CAMKMT: variants seen among roughly 807,000 people sequenced by gnomAD.
CAMKMT encodes the protein CaM KMT.
CAMKMT carries 53 observed loss-of-function variants against 48.0 expected under a neutral mutation model. That is an observed-to-expected ratio of 1.10 (90% CI 0.89 to 1.39). CAMKMT has a LOEUF of 1.39. CAMKMT is among the 40% of genes most tolerant of loss of function. The probability of loss-of-function intolerance (pLI) is 0.00; values close to 1 mark genes in which losing one functional copy is unlikely to be tolerated. For synonymous variants in CAMKMT, 165 were observed against 152.3 expected (o/e 1.08, Z -0.61); for missense variants, 428 against 402.7 (o/e 1.06, Z -0.54).
At chr2:44,454,693 A>G (rs926943598) in intron 3 of CAMKMT, among the ~76,000 whole-genome samples, 1 of 152,118 alleles carries the variant, frequency 6.6e-6, no homozygotes, top group Non-Finnish European at 1.5e-5. Flanking sequence ...CTTGGACGGC[A>G]TAATGGCCCC....
chr2:44,539,283 CAAAA>C (rs35929999), intron 3 of CAMKMT, among the ~76,000 whole-genome samples: 1 of 117,220 alleles, frequency 8.5e-6, no homozygotes, highest in Non-Finnish European at 1.7e-5. Flanking sequence ...CCAGAAGTCT[CAAAA>C]AAAAAAAAAA....
At chr2:44,475,824 C>A (rs1216726292) in intron 3 of CAMKMT, among the ~76,000 whole-genome samples, 1 of 152,102 alleles carries the variant, frequency 6.6e-6, no homozygotes, top group Non-Finnish European at 1.5e-5. Flanking sequence ...GAACAGGACC[C>A]TTCAAATCAA....
At chr2:44,739,654 G>A (rs1447169757) in intron 7 of CAMKMT, among the ~76,000 whole-genome samples, 1 of 152,180 alleles carries the variant, frequency 6.6e-6, no homozygotes, top group Admixed American at 6.5e-5. Flanking sequence ...ATTTAGCAAT[G>A]TGGAGATCTT....
At chr2:44,704,514 A>G (rs994964178) in intron 4 of CAMKMT, among the ~76,000 whole-genome samples, 171 bp downstream of exon 4, 1 of 152,166 alleles carries the variant, frequency 6.6e-6, no homozygotes, top group Non-Finnish European at 1.5e-5. Flanking sequence ...CAGTGAACAC[A>G]TGTTGCTTCT....
intron 3 of CAMKMT, among the ~76,000 whole-genome samples, chr2:44,696,677 C>A (rs1471612219): frequency 6.6e-6 from 1 of 151,958 alleles, no homozygotes; most frequent in South Asian, 2.1e-4. Flanking sequence ...ACACCCTCAC[C>A]CCACTCACCT....
chr2:44,660,049 C>T (rs183772875), intron 3 of CAMKMT, among the ~76,000 whole-genome samples: 2 of 152,242 alleles, frequency 1.3e-5, no homozygotes, highest in East Asian at 1.9e-4. Context: ...TATTTACAAA[C>T]TCATTCAAAA....
intron 3 of CAMKMT, among the ~76,000 whole-genome samples, chr2:44,518,994 G>A (rs542584898): frequency 7.0e-4 from 107 of 152,282 alleles, no homozygotes; most frequent in Non-Finnish European, 1.2e-3. Flanking sequence ...TTTTATAATG[G>A]TGTCTAAAAA....
At chr2:44,678,448 T>A (rs1675840373) in intron 3 of CAMKMT, among the ~76,000 whole-genome samples, 1 of 152,202 alleles carries the variant, frequency 6.6e-6, no homozygotes, top group Non-Finnish European at 1.5e-5. Flanking sequence ...CCACCCTTGG[T>A]ACACACTCCA....
intron 3 of CAMKMT, among the ~76,000 whole-genome samples, chr2:44,519,624 T>C (rs1270896534): frequency 5.3e-5 from 8 of 151,968 alleles, no homozygotes. Context: ...AAGGAAAGAG[T>C]TGAATTAGCA....
intron 3 of CAMKMT, among the ~76,000 whole-genome samples, chr2:44,624,728 T>C (rs557385017): frequency 2.0e-5 from 3 of 152,292 alleles, no homozygotes; most frequent in Non-Finnish European, 4.4e-5. Context: ...TCTATCATTG[T>C]TGGACATTTG....
At chr2:44,553,287 A>T (rs746472453) in intron 3 of CAMKMT, among the ~76,000 whole-genome samples, 2 of 152,156 alleles carry the variant, frequency 1.3e-5, no homozygotes, top group Non-Finnish European at 2.9e-5. Context: ...CAAGTGCTCT[A>T]AAGTGACTTT....
At position 44,640,240 on chromosome 2, in the gene CAMKMT, CT is replaced by C. The variant is rs142416222; in HGVS notation, c.377-64042del. Among the ~76,000 whole-genome samples, 538 of 152,244 alleles carry C rather than the reference CT, an allele frequency of 3.5e-3. 1 individual carries two copies. The highest frequency in any genetic ancestry group is 0.012 in the African/African-American group (494 of 41,536). Reference sequence around the variant, plus strand: ...AGAGGCATCATTAGAAAAATGAACACTGGTTCTTAATACTTAAAAAACACTG... The same window carrying C: ...AGAGGCATCATTAGAAAAATGAACACGGTTCTTAATACTTAAAAAACACTG... On this transcript the variant is annotated intron_variant, in intron 3 of 10. Coordinates refer to ENST00000378494, the MANE Select transcript of CAMKMT (RefSeq NM_024766.5).
intron 3 of CAMKMT, among the ~76,000 whole-genome samples, chr2:44,468,185 C>T (rs1042103354): frequency 1.3e-5 from 2 of 152,086 alleles, no homozygotes; most frequent in Non-Finnish European, 1.5e-5. Flanking sequence ...AAAAATGAGG[C>T]TATAATCTGA....
intron 3 of CAMKMT, among the ~76,000 whole-genome samples, chr2:44,647,907 C>CAAAAAAAAAAAAAA (rs756753917): frequency 3.4e-5 from 1 of 29,518 alleles, no homozygotes; most frequent in Non-Finnish European, 7.0e-5. Flanking sequence ...GACTCCGTCT[C>CAAAAAAAAAAAAAA]AAAAAAAAAA....
intron 3 of CAMKMT, among the ~76,000 whole-genome samples, chr2:44,684,733 T>A (rs1041456333): frequency 6.6e-6 from 1 of 152,194 alleles, no homozygotes; most frequent in Non-Finnish European, 1.5e-5. Flanking sequence ...CTGGTAAGCA[T>A]GCACCTTTCA....
At chr2:44,621,287 C>CAAAAAAAAAAA (rs1672181618) in intron 3 of CAMKMT, among the ~76,000 whole-genome samples, 1 of 100,350 alleles carries the variant, frequency 1.0e-5, no homozygotes, top group African/African-American at 4.1e-5. Flanking sequence ...AAAAAAAAAG[C>CAAAAAAAAAAA]ATAAGAAAGC....
At chr2:44,475,817 CA>C in intron 3 of CAMKMT, among the ~76,000 whole-genome samples, 1 of 152,304 alleles carries the variant, frequency 6.6e-6, no homozygotes, top group Non-Finnish European at 1.5e-5. Context: ...GACCTACGAA[CA>C]GGACCCTTCA....
At chr2:44,660,621 T>C (rs1052853456) in intron 3 of CAMKMT, among the ~76,000 whole-genome samples, 1 of 152,180 alleles carries the variant, frequency 6.6e-6, no homozygotes, top group African/African-American at 2.4e-5. Context: ...TATATTTTTT[T>C]GTTTGTTTGT....
intron 7 of CAMKMT, among the ~76,000 whole-genome samples, chr2:44,718,395 GTTTA>G (rs1313173779): frequency 1.3e-5 from 2 of 152,170 alleles, no homozygotes; most frequent in Non-Finnish European, 2.9e-5. Context: ...CAGTCATTTG[GTTTA>G]TTTGTTGTCC....
Sources: allele counts gnomAD v4.1 joint callset (sites outside exome capture counted in the v4.1 genomes callset), GRCh38; gene constraint gnomAD v4.1.1; transcripts MANE v1.5; gene names NCBI Gene and HGNC (gene_info 2026-07-23, HGNC 2026-07-21).